Variants in UNC13C observed in about 807,000 individuals in gnomAD.
UNC13C encodes protein unc-13 homolog C.
A neutral mutation model predicts 245.4 loss-of-function variants in UNC13C; 174 were observed. That is an observed-to-expected ratio of 0.71 (90% CI 0.63 to 0.80). The LOEUF is 0.80. UNC13C is among the 30% of genes least tolerant of loss of function. UNC13C has a pLI of 0.00. For missense variants in UNC13C, 2,829 were observed against 2,602.9 expected, an observed-to-expected ratio of 1.09 and a Z score of -1.89; for synonymous variants, 992 against 895.1, an observed-to-expected ratio of 1.11 and a Z score of -1.93.
Position 54,061,455 on chromosome 15 carries a change from A to AT in UNC13C, c.2983+45576dup, listed in dbSNP as rs377718177. ...CTCCTTTTTTCCCTGGACCAGAGTT[A>AT]TTTTTTTGCTAATTGGATCACTCTC... is the stretch of plus-strand genomic sequence containing the variant. On this transcript the variant is annotated intron_variant, in intron 2 of 32. Coordinates refer to ENST00000260323, the MANE Select transcript of UNC13C (RefSeq NM_001080534.3). Among the ~76,000 whole-genome samples, 387 of 152,184 alleles carry AT rather than the reference A, an allele frequency of 2.5e-3. 2 individuals carry two copies. Among genetic ancestry groups the AT allele is most frequent in the African/African-American group, 8.9e-3 (370 of 41,520 alleles).
chr15:54,225,477 T>C (rs2035354174), intron 4 of UNC13C, among the ~76,000 whole-genome samples: 1 of 152,240 alleles, frequency 6.6e-6, no homozygotes, highest in African/African-American at 2.4e-5. Flanking sequence ...GTGTCCTCTC[T>C]GATTTCCTTG....
intron 17 of UNC13C, among the ~76,000 whole-genome samples, chr15:54,365,093 C>T (rs1053934457): frequency 5.9e-5 from 9 of 152,002 alleles, no homozygotes; most frequent in African/African-American, 9.7e-5. Context: ...AAGAACTCCC[C>T]GTCAGATCTG....
At chr15:54,522,771 A>G (rs1884272938) in intron 24 of UNC13C, among the ~76,000 whole-genome samples, 1 of 152,202 alleles carries the variant, frequency 6.6e-6, no homozygotes. Flanking sequence ...TTCATTGTGT[A>G]TATTCCTCAT....
chr15:54,046,496 TC>T (rs1210106432), intron 2 of UNC13C, among the ~76,000 whole-genome samples: 1 of 152,176 alleles, frequency 6.6e-6, no homozygotes, highest in Non-Finnish European at 1.5e-5. Context: ...AATAATCTTT[TC>T]ATATGTTTAA....
At chr15:54,411,187 T>C (rs2040409593) in intron 18 of UNC13C, among the ~76,000 whole-genome samples, 1 of 152,188 alleles carries the variant, frequency 6.6e-6, no homozygotes, top group Non-Finnish European at 1.5e-5. Flanking sequence ...TTTTATTGAG[T>C]AATGTTTTTT....
chr15:54,239,338 C>T (rs1187556023), intron 7 of UNC13C, among the ~76,000 whole-genome samples: 2 of 152,122 alleles, frequency 1.3e-5, no homozygotes, highest in Admixed American at 6.5e-5. Flanking sequence ...AAAACATATT[C>T]GTTTGACTAT....
chr15:53,924,421 A>C, the UNC13C span, among the ~76,000 whole-genome samples: 412 of 152,266 alleles, frequency 2.7e-3, 6 homozygotes, highest in African/African-American at 9.5e-3. Context: ...TGTGAAGCTC[A>C]ACTTAGGAAA....
intron 26 of UNC13C, among the ~76,000 whole-genome samples, chr15:54,538,952 A>G (rs1896121622): frequency 6.6e-6 from 1 of 151,976 alleles, no homozygotes; most frequent in Non-Finnish European, 1.5e-5. Flanking sequence ...ACAGCATGCA[A>G]TTTTCCCATG....
intron 13 of UNC13C, 131 bp downstream of exon 13, chr15:54,300,504 A>G: frequency 1.0e-5 from 9 of 880,580 alleles, no homozygotes; most frequent in Non-Finnish European, 1.5e-5. Flanking sequence ...TGCATGTTTG[A>G]TGCTGACTAC....
At chr15:54,533,737 G>T (rs1242172052) in intron 26 of UNC13C, among the ~76,000 whole-genome samples, 1 of 152,124 alleles carries the variant, frequency 6.6e-6, no homozygotes, top group Non-Finnish European at 1.5e-5. Flanking sequence ...TAAGGTTTTT[G>T]TTCTGTTCCT....
At chr15:54,220,350 G>C (rs369640002) in intron 4 of UNC13C, among the ~76,000 whole-genome samples, 1 of 146,374 alleles carries the variant, frequency 6.8e-6, no homozygotes, top group African/African-American at 2.6e-5. Flanking sequence ...GCAAGGACAA[G>C]GAACCAAACA....
At chr15:54,626,800 T>C in intron 32 of UNC13C, 28 bp from the exon 33 acceptor site, 1 of 1,587,458 alleles carries the variant, frequency 6.3e-7, no homozygotes, top group Non-Finnish European at 8.6e-7. Context: ...AAGTTTTTGC[T>C]CAAAATTTGT....
At chr15:54,301,096 T>G (rs570998823) in intron 13 of UNC13C, among the ~76,000 whole-genome samples, 82 of 152,254 alleles carry the variant, frequency 5.4e-4, no homozygotes, top group Non-Finnish European at 1.0e-3. Context: ...TGGTCTAATT[T>G]TATAAGTGCA....
chr15:54,367,872 A>T lies in UNC13C; in HGVS notation c.4714-25176A>T, dbSNP rs118094338. On this transcript the variant is annotated intron_variant, in intron 17 of 32. Transcript: ENST00000260323. ...CTTGAATTGTACCTAGACCAACTGG[A>T]TTACTGAAGTTTGTACTTTATTTAC... Among the ~76,000 whole-genome samples the T allele has an allele frequency of 3.9e-3, 592 of 152,290 alleles. 2 individuals are homozygous for T. The highest frequency in any genetic ancestry group is 6.6e-3 in the Admixed American group (101 of 15,294).
At chr15:54,177,853 C>T (rs1055768496) in intron 4 of UNC13C, among the ~76,000 whole-genome samples, 4 of 152,040 alleles carry the variant, frequency 2.6e-5, no homozygotes, top group Admixed American at 6.6e-5. Flanking sequence ...TTTTCTATAA[C>T]AGATAAAATC....
chr15:54,395,989 G>A (rs1452662794), intron 18 of UNC13C, among the ~76,000 whole-genome samples: 2 of 151,600 alleles, frequency 1.3e-5, no homozygotes, highest in African/African-American at 4.8e-5. Context: ...AATTTTAGAT[G>A]TTTTAGAAAT....
At chr15:54,548,616 CT>C (rs748075890) in intron 27 of UNC13C, among the ~76,000 whole-genome samples, 21 of 152,128 alleles carry the variant, frequency 1.4e-4, no homozygotes, top group Non-Finnish European at 2.9e-4. Flanking sequence ...CTGCCCATTG[CT>C]GTTTTTCCCA....
At chr15:54,190,921 A>G (rs891461616) in intron 4 of UNC13C, among the ~76,000 whole-genome samples, 1 of 151,986 alleles carries the variant, frequency 6.6e-6, no homozygotes, top group Non-Finnish European at 1.5e-5. Flanking sequence ...GATCTTTTTC[A>G]TTTATAATAT....
At chr15:53,890,966 T>C in the UNC13C span, among the ~76,000 whole-genome samples, 1 of 152,224 alleles carries the variant, frequency 6.6e-6, no homozygotes, top group African/African-American at 2.4e-5. Flanking sequence ...AGGGTGTCAA[T>C]TTTAGATCTT....
Sources: gnomAD v4.1 joint callset for allele counts (sites outside exome capture counted in the v4.1 genomes callset) on GRCh38, gnomAD v4.1.1 for gene constraint, MANE v1.5 for transcripts, NCBI Gene and HGNC (gene_info 2026-07-23, HGNC 2026-07-21) for gene names.